Variants in BCO1 observed in about 807,000 individuals in gnomAD.
The protein encoded by BCO1 is beta,beta-carotene 15,15'-dioxygenase.
BCO1 carries 54 observed loss-of-function variants against 56.3 expected under a neutral mutation model. The ratio of observed to expected loss-of-function variants is 0.96; its 90% CI spans 0.77 to 1.20. BCO1 has a LOEUF of 1.20. Among genes scored for constraint, BCO1 ranks in the 50% most tolerant of loss-of-function variants. BCO1 has a pLI of 0.00. For synonymous variants in BCO1, 318 were observed against 266.1 expected, an observed-to-expected ratio of 1.20 and a Z score of -1.90; for missense variants, 801 against 690.9, an observed-to-expected ratio of 1.16 and a Z score of -1.79.
intron 7 of BCO1, among the ~76,000 whole-genome samples, chr16:81,270,966 G>T (rs1361628516): frequency 6.6e-6 from 1 of 152,004 alleles, no homozygotes; most frequent in Non-Finnish European, 1.5e-5. Context: ...GGATGGTCTG[G>T]ATCTCCCGAC....
intron 8 of BCO1, among the ~76,000 whole-genome samples, chr16:81,282,487 G>A (rs1214337816): frequency 5.3e-5 from 8 of 152,138 alleles, no homozygotes; most frequent in Non-Finnish European, 8.8e-5. Flanking sequence ...TAGACTTGGG[G>A]ACTCTTTTAG....
At chr16:81,290,284 G>T in intron 10 of BCO1, 64 bp from the exon 11 acceptor site, 1 of 1,350,932 alleles carries the variant, frequency 7.4e-7, no homozygotes, top group Non-Finnish European at 1.1e-6. Context: ...GACATGCTGA[G>T]AAATTCATCC....
chr16:81,284,570 A>C (rs2150645415), intron 8 of BCO1, among the ~76,000 whole-genome samples: 1 of 151,994 alleles, frequency 6.6e-6, no homozygotes, highest in South Asian at 2.1e-4. Flanking sequence ...GTTTTTCCAT[A>C]ATGTTATTAT....
chr16:81,240,554 A>C (rs1905064334), intron 1 of BCO1, among the ~76,000 whole-genome samples: 2 of 151,932 alleles, frequency 1.3e-5, no homozygotes, highest in Admixed American at 6.6e-5. Flanking sequence ...AAAATACACA[A>C]ATTAGCCAGG....
chr16:81,288,359 C>T (rs989617288), intron 10 of BCO1, among the ~76,000 whole-genome samples: 1 of 152,142 alleles, frequency 6.6e-6, no homozygotes, highest in Admixed American at 6.5e-5. Context: ...AACTCCTGGG[C>T]TCAAGTGATC....
At chr16:81,247,897 T>G (rs1474254640) in intron 2 of BCO1, among the ~76,000 whole-genome samples, 4 of 152,142 alleles carry the variant, frequency 2.6e-5, no homozygotes, top group African/African-American at 9.7e-5. Flanking sequence ...TCTGTGGCTT[T>G]GAATCCCAGC....
In BCO1 at chr16:81,276,161, G is replaced by A. The variant is rs538063395; in HGVS notation, c.1102-4696G>A. ...GAGAAGCACCATTCATGGAGGACCC[G>A]CTAGGTGCCAGGCTCTGTGTTCAAT... On this transcript the variant is annotated intron_variant, in intron 7 of 10. Transcript: ENST00000258168. Among the ~76,000 whole-genome samples, 298 of 152,344 alleles carry A rather than the reference G, an allele frequency of 2.0e-3. 2 individuals are homozygous for A. The highest frequency in any genetic ancestry group is 3.7e-3 in the Non-Finnish European group (249 of 68,020).
At chr16:81,284,194 AAAC>A (rs886315256) in intron 8 of BCO1, among the ~76,000 whole-genome samples, 241 of 149,906 alleles carry the variant, frequency 1.6e-3, no homozygotes, top group African/African-American at 5.3e-3. Context: ...CTCCATCTCA[AAAC>A]AACAACAACA....
chr16:81,266,619 C>G lies in BCO1; in HGVS notation c.620-1289C>G, dbSNP rs79014535. On this transcript the variant is annotated intron_variant, in intron 5 of 10. Coordinates refer to ENST00000258168, the MANE Select transcript of BCO1 (RefSeq NM_017429.3). ...GGATATAGGGGTCAAGCTCAGAATC[C>G]TAGAATGCCATACCTGGGGATTGTC... Among the ~76,000 whole-genome samples the G allele has an allele frequency of 7.6e-3, 1,156 of 152,196 alleles. 15 individuals carry two copies. Among genetic ancestry groups the G allele is most frequent in the African/African-American group, 0.027 (1,110 of 41,516 alleles).
At chr16:81,239,212 T>A (rs1183042761) in intron 1 of BCO1, among the ~76,000 whole-genome samples, 1 of 151,848 alleles carries the variant, frequency 6.6e-6, no homozygotes, top group Non-Finnish European at 1.5e-5. Flanking sequence ...AGACGGGGTT[T>A]CAGCATGTTG....
intron 1 of BCO1, among the ~76,000 whole-genome samples, chr16:81,240,508 C>T (rs1226426617): frequency 6.6e-6 from 1 of 152,082 alleles, no homozygotes; most frequent in African/African-American, 2.4e-5. Flanking sequence ...GAGTTTGAGA[C>T]CAGCCTGGCT....
At chr16:81,239,652 C>T (rs1367498093) in intron 1 of BCO1, among the ~76,000 whole-genome samples, 3 of 152,278 alleles carry the variant, frequency 2.0e-5, no homozygotes, top group East Asian at 1.9e-4. Flanking sequence ...TGAGCTCCCA[C>T]GCATGCACAT....
rs1908413950 is a variant in BCO1 at position 81,290,651 on chromosome 16, G to C, written c.*74G>C. The C allele has an allele frequency of 7.9e-7, 1 of 1,271,480 alleles. No homozygotes were observed. Among genetic ancestry groups the C allele is most frequent in the Non-Finnish European group, 1.1e-6 (1 of 888,476 alleles). 78.8% of individuals were successfully genotyped at this position (1,271,480 alleles called of 1,614,324 possible). On this transcript the variant is annotated 3_prime_UTR_variant, in exon 11 of 11. Coordinates refer to ENST00000258168, the MANE Select transcript of BCO1 (RefSeq NM_017429.3). ...ATGGATATGTTTCTTTGGATGGAGG[G>C]GAGGGCCTTTGTTACCTTTTGCACT...
intron 5 of BCO1, among the ~76,000 whole-genome samples, chr16:81,266,994 C>T (rs1401528464): frequency 1.3e-5 from 2 of 152,152 alleles, no homozygotes; most frequent in Non-Finnish European, 2.9e-5. Flanking sequence ...ATAAGCCAGC[C>T]GTAGGCCTGG....
At chr16:81,254,045 T>C (rs775568775) in intron 2 of BCO1, among the ~76,000 whole-genome samples, 12 of 152,170 alleles carry the variant, frequency 7.9e-5, no homozygotes, top group Non-Finnish European at 1.6e-4. Flanking sequence ...GGCTAGATGA[T>C]TGTCTCTTAG....
intron 2 of BCO1, among the ~76,000 whole-genome samples, chr16:81,249,615 G>C (rs1004973664): frequency 6.6e-6 from 1 of 151,782 alleles, no homozygotes; most frequent in Non-Finnish European, 1.5e-5. Context: ...TGGCCAGGCC[G>C]GTCTCGAACT....
chr16:81,257,746 G>C (rs1159107827), intron 2 of BCO1, among the ~76,000 whole-genome samples: 1 of 151,842 alleles, frequency 6.6e-6, no homozygotes, highest in Non-Finnish European at 1.5e-5. Context: ...GGGCATGGTG[G>C]CACATGCCTG....
At chr16:81,271,418 T>G (rs1907209845) in intron 7 of BCO1, among the ~76,000 whole-genome samples, 2 of 152,144 alleles carry the variant, frequency 1.3e-5, no homozygotes, top group African/African-American at 2.4e-5. Context: ...CCTGGCCTAA[T>G]TTGCCCATTT....
intron 1 of BCO1, among the ~76,000 whole-genome samples, chr16:81,244,173 A>G (rs1181037211): frequency 1.1e-4 from 16 of 152,350 alleles, no homozygotes; most frequent in Non-Finnish European, 2.1e-4. Context: ...AGCAGCCTGT[A>G]GGAAGGGACG....
Sources: allele counts gnomAD v4.1 joint callset (sites outside exome capture counted in the v4.1 genomes callset), GRCh38; gene constraint gnomAD v4.1.1; transcripts MANE v1.5; gene names NCBI Gene and HGNC (gene_info 2026-07-23, HGNC 2026-07-21).